Variants in IL15 observed in about 807,000 individuals in gnomAD.
IL15 encodes the protein interleukin 15.
In IL15, 11 loss-of-function variants were observed where a neutral mutation model predicts 19.6. The observed-to-expected ratio is 0.56, with a 90% CI of 0.35 to 0.93. IL15 has a LOEUF of 0.93. Among genes scored for constraint, IL15 ranks in the 40% least tolerant of loss-of-function variants. IL15 has a pLI of 0.01. For synonymous variants in IL15, 58 were observed against 59.6 expected, an observed-to-expected ratio of 0.97 and a Z score of 0.12; for missense variants, 197 against 186.5, an observed-to-expected ratio of 1.06 and a Z score of -0.33.
At chr4:141,695,928 T>G (rs569663363) in intron 2 of IL15, among the ~76,000 whole-genome samples, 2 of 152,272 alleles carry the variant, frequency 1.3e-5, no homozygotes, top group South Asian at 4.1e-4. Flanking sequence ...TAGTTTCCTT[T>G]GCTGTTCAAA....
intron 1 of IL15, among the ~76,000 whole-genome samples, chr4:141,639,013 C>T (rs1726954086): frequency 6.6e-6 from 1 of 152,162 alleles, no homozygotes; most frequent in Non-Finnish European, 1.5e-5. Flanking sequence ...AGACCTATAA[C>T]TTAAGTTATG....
intron 2 of IL15, among the ~76,000 whole-genome samples, chr4:141,665,913 C>G (rs981990232): frequency 2.0e-5 from 3 of 151,888 alleles, no homozygotes; most frequent in Non-Finnish European, 2.9e-5. Context: ...AAGTATATGT[C>G]TTTTGTTAAA....
At chr4:141,657,975 A>G (rs1234616329) in intron 2 of IL15, among the ~76,000 whole-genome samples, 1 of 152,220 alleles carries the variant, frequency 6.6e-6, no homozygotes, top group Non-Finnish European at 1.5e-5. Flanking sequence ...CAGCACAGTA[A>G]GTGTGTTTCC....
intron 1 of IL15, among the ~76,000 whole-genome samples, chr4:141,653,496 C>T (rs1727480356): frequency 6.6e-6 from 1 of 152,078 alleles, no homozygotes; most frequent in African/African-American, 2.4e-5. Context: ...AGTGTATGTC[C>T]TTGCAAATGT....
chr4:141,697,362 G>C (rs923471279), intron 2 of IL15, among the ~76,000 whole-genome samples: 1 of 151,998 alleles, frequency 6.6e-6, no homozygotes, highest in East Asian at 1.9e-4. Context: ...CTGTTCCATT[G>C]GTCTACATGC....
chr4:141,722,324 G>A (rs759900735), intron 5 of IL15, among the ~76,000 whole-genome samples: 11 of 152,132 alleles, frequency 7.2e-5, no homozygotes, highest in South Asian at 4.1e-4. Flanking sequence ...GGGAACAGCT[G>A]TTGTTGCTTG....
At chr4:141,683,882 A>G (rs949453580) in intron 2 of IL15, among the ~76,000 whole-genome samples, 3 of 152,240 alleles carry the variant, frequency 2.0e-5, no homozygotes. Context: ...AAGGATTCTA[A>G]AGGGATTTAT....
chr4:141,661,339 A>G (rs1261600707), intron 2 of IL15, among the ~76,000 whole-genome samples: 1 of 152,142 alleles, frequency 6.6e-6, no homozygotes, highest in Admixed American at 6.5e-5. Context: ...CATTCCTGGG[A>G]GAATAGGAGA....
intron 2 of IL15, among the ~76,000 whole-genome samples, chr4:141,694,540 A>C (rs1386064966): frequency 6.6e-6 from 1 of 152,178 alleles, no homozygotes; most frequent in Admixed American, 6.5e-5. Context: ...GAGGTGGTAC[A>C]TGCTTATATT....
At chr4:141,648,440 T>G (rs1053943564) in intron 1 of IL15, among the ~76,000 whole-genome samples, 6 of 152,088 alleles carry the variant, frequency 3.9e-5, no homozygotes, top group African/African-American at 1.4e-4. Flanking sequence ...CAGAAATCCT[T>G]TCATTTTCTT....
intron 1 of IL15, among the ~76,000 whole-genome samples, chr4:141,643,250 T>A (rs1313881578): frequency 3.3e-5 from 5 of 152,196 alleles, no homozygotes; most frequent in African/African-American, 9.6e-5. Flanking sequence ...CCCAATACCA[T>A]GTAGCCATGC....
intron 2 of IL15, among the ~76,000 whole-genome samples, chr4:141,663,724 G>A (rs941156769): frequency 1.4e-4 from 21 of 152,128 alleles, no homozygotes; most frequent in Admixed American, 2.6e-4. Flanking sequence ...TGGAAAGGTC[G>A]GGGAAGTTGA....
At chr4:141,692,157 C>T (rs1728933583) in intron 2 of IL15, among the ~76,000 whole-genome samples, 1 of 152,232 alleles carries the variant, frequency 6.6e-6, no homozygotes, top group African/African-American at 2.4e-5. Flanking sequence ...TGCCTTGGTC[C>T]CTTTTAGCCA....
intron 7 of IL15, among the ~76,000 whole-genome samples, chr4:141,731,361 A>G (rs967656383): frequency 5.3e-5 from 8 of 152,108 alleles, no homozygotes; most frequent in African/African-American, 1.4e-4. Context: ...TTTGTTTTTT[A>G]TTAGTACTAT....
chr4:141,653,757 T>C (rs986890065), intron 1 of IL15, among the ~76,000 whole-genome samples: 34 of 152,316 alleles, frequency 2.2e-4, no homozygotes, highest in African/African-American at 8.2e-4. Context: ...CTTTTGCTAT[T>C]ACAGGAAATA....
chr4:141,647,419 A>G (rs151040389), intron 1 of IL15, among the ~76,000 whole-genome samples: 203 of 152,148 alleles, frequency 1.3e-3, no homozygotes, highest in African/African-American at 4.6e-3. Context: ...TGGATAAGCT[A>G]TTTGTACAAG....
At chr4:141,653,981 G>A (rs1480316209) in intron 1 of IL15, among the ~76,000 whole-genome samples, 3 of 152,184 alleles carry the variant, frequency 2.0e-5, no homozygotes, top group South Asian at 2.1e-4. Context: ...AATCTGCTTC[G>A]ATGTAATCCA....
At chr4:141,715,921 A>G (rs1729867709) in intron 2 of IL15, 1 of 152,184 alleles carries the variant, frequency 6.6e-6, no homozygotes, top group South Asian at 2.1e-4. Flanking sequence ...TATTTTCACA[A>G]GCAATGATTT....
chr4:141,653,992 A>G (rs188539753), intron 1 of IL15, among the ~76,000 whole-genome samples: 2 of 152,356 alleles, frequency 1.3e-5, no homozygotes, highest in East Asian at 3.9e-4. Context: ...ATGTAATCCA[A>G]GTGTTTCCTG....
Sources: allele counts gnomAD v4.1 joint callset (sites outside exome capture counted in the v4.1 genomes callset), GRCh38; gene constraint gnomAD v4.1.1; transcripts MANE v1.5; gene names NCBI Gene and HGNC (gene_info 2026-07-23, HGNC 2026-07-21).